The following HGS variants were observed in gnomAD, a reference collection of about 807,000 sequenced individuals.
The protein encoded by HGS is human growth factor-regulated tyrosine kinase substrate.
In HGS, 63 loss-of-function variants were observed where a neutral mutation model predicts 109.7. That is an observed-to-expected ratio of 0.57 (90% confidence interval 0.47 to 0.71). The LOEUF (loss-of-function observed/expected upper bound fraction) is 0.71, where lower values mean the gene tolerates loss of function less well. Ranked by LOEUF, HGS falls within the 30% of genes least tolerant of loss-of-function variation. The pLI is 0.00. For synonymous variants in HGS, 546 were observed against 437.3 expected (o/e 1.25, Z -3.10); for missense variants, 995 against 1,068.3 (o/e 0.93, Z 0.96).
rs954145545 is a variant in HGS at position 81,700,500 on chromosome 17, C to A, written c.1916C>A (p.Ala639Glu). 6.2e-7 allele frequency: 1 copy of A among 1,603,848 alleles called. No homozygotes were observed. The highest frequency in any genetic ancestry group is 8.5e-7 in the Non-Finnish European group (1 of 1,174,704). ...PSMVSAYMYP[A>E]GATGAQAAPQ... Reference sequence around the variant, plus strand: ...ATGGTGAGTGCCTACATGTACCCAGCAGGGGCCACTGGGGCGCAGGCGGCC... The same window carrying A: ...ATGGTGAGTGCCTACATGTACCCAGAAGGGGCCACTGGGGCGCAGGCGGCC... Residue 639 changes from alanine (A) to glutamate (E), a missense_variant, in exon 19 of 22, where the codon GCA becomes GAA. This residue lies in a region of HGS where 326 missense variants were observed against 309.7 expected (regional missense o/e 1.05). Coordinates refer to ENST00000329138, the MANE Select transcript of HGS (RefSeq NM_004712.5).
In HGS at chr17:81,695,778, G is replaced by A. The variant is rs773576395; in HGVS notation, c.1180-8G>A. On this transcript the variant is annotated splice_polypyrimidine_tract_variant and splice_region_variant and intron_variant, in intron 14 of 21. Transcript: ENST00000329138. The stretch of plus-strand genomic sequence containing the variant: ...CCGCACTCATCCAGAACCCTGCTCT[G>A]CCTGCAGCCACAGTTCCACAATGGC... 3 of 1,613,090 alleles carry A rather than the reference G, an allele frequency of 1.9e-6. No individual in the cohort carries two copies. Among genetic ancestry groups the A allele is most frequent in the South Asian group, 2.2e-5 (2 of 91,078 alleles).
chr17:81,691,662 C>T lies in HGS; in HGVS notation c.662+91C>T, dbSNP rs2037065219. ...TCTTGGCCATGGTGCCTGAGGCCTG[C>T]AGACCCCAGAGGACCCTCACAGCAC... On this transcript the variant is annotated intron_variant, in intron 8 of 21. Coordinates refer to ENST00000329138, the MANE Select transcript of HGS (RefSeq NM_004712.5). The surrounding 1 kb of genome is among the most constrained non-coding windows in gnomAD (Gnocchi z 5.3). The T allele has an allele frequency of 2.0e-6, 3 of 1,520,050 alleles. No individual in the cohort carries two copies. The East Asian group carries it at 6.8e-5, about 35-fold the overall frequency. 94.2% of individuals were successfully genotyped at this position (1,520,050 alleles called of 1,614,324 possible). A position where few individuals can be genotyped will look rare whatever the true frequency, so the allele number is the denominator to read the frequency against.
intron 3 of HGS, 90 bp from the exon 4 acceptor site, chr17:81,686,913 G>A (rs2036988102): frequency 1.9e-6 from 2 of 1,035,856 alleles, no homozygotes; most frequent in African/African-American, 3.2e-5. Context: ...GAAGGGCTCT[G>A]CTGTCCCACA....
rs748844821 is a variant in HGS at position 81,696,932 on chromosome 17, G to A, written c.1816G>A (p.Gly606Ser). 26 of 1,607,048 alleles carry A rather than the reference G, an allele frequency of 1.6e-5. No individual in the cohort carries two copies. In the Admixed American group the frequency reaches 2.0e-4, roughly 12 times the overall value. Residue 606 changes from glycine (G) to serine (S), a missense_variant, in exon 18 of 22, where the codon GGC (glycine) becomes AGC (serine). This residue lies in a region of HGS where 326 missense variants were observed against 309.7 expected (regional missense o/e 1.05). Coordinates refer to ENST00000329138, the MANE Select transcript of HGS (RefSeq NM_004712.5). ...CTCGGTGGAGGGCTCCCCAATGCAC[G>A]GCGTGTACATGAGCCAGCCGGCCCC... ...AGSVEGSPMH[G>S]VYMSQPAPAA...
Position 81,693,976 on chromosome 17 carries a change from C to G in HGS, c.936+11C>G, listed in dbSNP as rs2037106683. 6.2e-7 allele frequency: 1 copy of G among 1,600,426 alleles called. No individual in the cohort carries two copies. Among genetic ancestry groups the G allele is most frequent in the Non-Finnish European group, 8.5e-7 (1 of 1,175,486 alleles). ...TACTCTTCACCTGTGGTGAGCGGCC[C>G]TTGGGCTGGAGCTCCCTCTCCTGGA... On this transcript the variant is annotated intron_variant, in intron 11 of 21. Transcript: ENST00000329138.
rs1219932863 is a variant in HGS at position 81,684,017 on chromosome 17, G to A, written c.-50G>A. 3 of 1,568,448 alleles carry A rather than the reference G, an allele frequency of 1.9e-6. No homozygotes were observed. Among genetic ancestry groups the A allele is most frequent in the Non-Finnish European group, 2.6e-6 (3 of 1,160,956 alleles). ...GAAGCGGAAGTCGGGGGGCGCGCCA[G>A]CTCGTAGCAGGGGAGCGCCCGCGGC... On this transcript the variant is annotated 5_prime_UTR_variant, in exon 1 of 22. Transcript: ENST00000329138.
Position 81,694,873 on chromosome 17 carries a change from G to A in HGS, c.975+20G>A, listed in dbSNP as rs770636418. 4.3e-6 allele frequency: 7 copies of A among 1,614,078 alleles called. No homozygotes were observed. Among genetic ancestry groups the A allele is most frequent in the African/African-American group, 2.7e-5 (2 of 74,958 alleles). The stretch of plus-strand genomic sequence containing the variant: ...CCTGAGGTAAGGCCCAGCATGGGGT[G>A]CATCCTCTCACGGTTTCTGGCCTTG... On this transcript the variant is annotated intron_variant, in intron 12 of 21. Transcript: ENST00000329138.
In HGS at chr17:81,696,590, A is replaced by G. The variant is rs1384525252; in HGVS notation, c.1567-17A>G. ...TGGGGGACCTCGCAGCATAACCAGC[A>G]TGTTTTTGCCGCACAGGAGTACCTG... On this transcript the variant is annotated splice_polypyrimidine_tract_variant and intron_variant, in intron 16 of 21. Transcript: ENST00000329138. The G allele has an allele frequency of 1.3e-6, 2 of 1,581,140 alleles. No individual in the cohort carries two copies. Among genetic ancestry groups the G allele is most frequent in the Non-Finnish European group, 8.6e-7 (1 of 1,160,640 alleles).
At chr17:81,692,432 T>A (rs920477897) in intron 8 of HGS, 1 of 152,194 alleles carries the variant, frequency 6.6e-6, no homozygotes, top group Non-Finnish European at 1.5e-5. Context: ...GGACATCCCA[T>A]CCAAGCCAGC....
At chr17:81,690,108 G>A (rs548186162) in intron 5 of HGS, 74 bp from the exon 6 acceptor site, 1 of 1,523,592 alleles carries the variant, frequency 6.6e-7, no homozygotes, top group African/African-American at 1.4e-5. Context: ...CAGCTGCCGA[G>A]AGTGAGGAAG....
chr17:81,690,333 G>GCT, intron 6 of HGS, 99 bp downstream of exon 6: 1 of 1,245,302 alleles, frequency 8.0e-7, no homozygotes, highest in Middle Eastern at 2.0e-4. Context: ...TGGTGGCTGA[G>GCT]CTCTCGTCTG....
In HGS at chr17:81,687,020, A is replaced by G; in HGVS notation, c.216A>G (p.Val72=). 1 of 1,613,250 alleles carries G rather than the reference A, an allele frequency of 6.2e-7. No individual in the cohort carries two copies. The part of the protein sequence containing the change: ...LYALEVMESV[V]KNCGQTVHDE... ...ATCTGCAGGTCATGGAATCTGTGGTAAAGAACTGTGGCCAGACAGTTCATG... is the reference window on the plus strand; with the variant it reads ...ATCTGCAGGTCATGGAATCTGTGGTGAAGAACTGTGGCCAGACAGTTCATG... Residue 72 remains valine, a synonymous_variant, in exon 4 of 22, where the codon GTA becomes GTG. Coordinates refer to ENST00000329138, the MANE Select transcript of HGS (RefSeq NM_004712.5).
chr17:81,691,442 T>TA lies in HGS; in HGVS notation c.538-4dup, dbSNP rs1198491634. 1.2e-6 allele frequency: 2 copies of TA among 1,613,870 alleles called. No individual in the cohort carries two copies. Among genetic ancestry groups the TA allele is most frequent in the East Asian group, 2.2e-5 (1 of 44,860 alleles). On this transcript the variant is annotated splice_polypyrimidine_tract_variant and splice_region_variant and intron_variant, in intron 7 of 21. Coordinates refer to ENST00000329138, the MANE Select transcript of HGS (RefSeq NM_004712.5). This position sits in a 1 kb window ranked among gnomAD's most constrained non-coding sequence, Gnocchi z 5.3. The stretch of plus-strand genomic sequence containing the variant: ...GTGACCAGGCCCGCCCGCCCCATCT[T>TA]ACAGCACCACTGCCGGGCGTGTGGG...
chr17:81,694,313 G>A (rs909768861), intron 11 of HGS, among the ~76,000 whole-genome samples: 3 of 152,198 alleles, frequency 2.0e-5, no homozygotes, highest in African/African-American at 7.2e-5. Context: ...CCTCAGCCCC[G>A]CTCTCAGTAG....
In HGS at chr17:81,691,568, A is replaced by G. The variant is rs1481839931; in HGVS notation, c.659A>G (p.Asn220Ser). 1 of 1,613,882 alleles carries G rather than the reference A, an allele frequency of 6.2e-7. No homozygotes were observed. Among genetic ancestry groups the G allele is most frequent in the South Asian group, 1.1e-5 (1 of 91,084 alleles). Residue 220 changes from asparagine (N) to serine (S), a missense_variant, in exon 8 of 22, where the codon AAC becomes AGC. Asn to Ser is a conservative substitution (Grantham distance 46, BLOSUM62 1). Around this residue, in one of 6 missense-constraint regions of HGS, gnomAD observed 182 missense variants for 261.3 expected, o/e 0.70. Transcript: ENST00000329138. The surrounding 1 kb of genome is among the most constrained non-coding windows in gnomAD (Gnocchi z 5.3). ...RVCEPCYEQL[N>S]RKAEGKATST... ...TGTGAGCCCTGCTACGAGCAGCTGA[A>G]CAGGTGAGTCCCCGCCCCCCATTTG...
intron 13 of HGS, 28 bp from the exon 14 acceptor site, chr17:81,695,136 G>C (rs547993837): frequency 6.2e-7 from 1 of 1,613,900 alleles, no homozygotes; most frequent in East Asian, 2.2e-5. Flanking sequence ...GGACAGGTTG[G>C]AGGCCCCACT....
At chr17:81,695,437 C>T (rs2037130951) in intron 14 of HGS, among the ~76,000 whole-genome samples, 1 of 152,254 alleles carries the variant, frequency 6.6e-6, no homozygotes, top group Non-Finnish European at 1.5e-5. Flanking sequence ...GGGCCACTCT[C>T]TGTGGACCTA....
At chr17:81,685,270 C>T (rs186805554) in intron 1 of HGS, among the ~76,000 whole-genome samples, 5 of 152,288 alleles carry the variant, frequency 3.3e-5, no homozygotes, top group African/African-American at 1.2e-4. Context: ...GCAGCCGAGC[C>T]TGATGTTTAA....
intron 2 of HGS, among the ~76,000 whole-genome samples, chr17:81,686,034 G>A (rs186345887): frequency 6.6e-6 from 1 of 151,994 alleles, no homozygotes; most frequent in Non-Finnish European, 1.5e-5. Context: ...AAGCTCAAAC[G>A]ATCGTCCCAC....
Sources: gnomAD v4.1 joint callset for allele counts (sites outside exome capture counted in the v4.1 genomes callset) on GRCh38, gnomAD v4.1.1 for gene constraint, gnomAD v4.1.1 regional missense constraint, Gnocchi (gnomAD v3.1) non-coding constraint, MANE v1.5 for transcripts, NCBI Gene and HGNC (gene_info 2026-07-23, HGNC 2026-07-21) for gene names.